The following IGSF21 variants were observed in gnomAD, a reference collection of about 807,000 sequenced individuals.
IGSF21 encodes the protein immunoglobulin superfamily member 21.
In IGSF21, 28 loss-of-function variants were observed where a neutral mutation model predicts 46.8. The observed-to-expected ratio is 0.60, with a 90% confidence interval of 0.44 to 0.82. The LOEUF is 0.82. Ranked by LOEUF, IGSF21 falls within the 40% of genes least tolerant of loss-of-function variation. The probability of loss-of-function intolerance (pLI) is 0.00; values close to 1 mark genes in which losing one functional copy is unlikely to be tolerated. For synonymous variants in IGSF21, 284 were observed against 273.6 expected (o/e 1.04, Z -0.38); for missense variants, 624 against 665.5 (o/e 0.94, Z 0.69).
chr1:18,221,669 A>G (rs2084511676), intron 1 of IGSF21, among the ~76,000 whole-genome samples: 1 of 152,170 alleles, frequency 6.6e-6, no homozygotes, highest in Non-Finnish European at 1.5e-5. Context: ...ATCCAGGATA[A>G]TGAACTGCTT....
At chr1:18,371,859 A>G (rs1242794590) in intron 6 of IGSF21, among the ~76,000 whole-genome samples, 2 of 152,080 alleles carry the variant, frequency 1.3e-5, no homozygotes, top group Non-Finnish European at 1.5e-5. Context: ...CTACAAGTAT[A>G]TTCTATATTT....
In IGSF21 at chr1:18,184,404, C is replaced by T. The variant is rs528428489; in HGVS notation, c.71-43494C>T. Among the ~76,000 whole-genome samples, 149 of 152,306 alleles carry T rather than the reference C, an allele frequency of 9.8e-4. 2 individuals carry two copies. The South Asian group carries it at 0.011, about 11-fold the overall frequency. ...GAAACGTCCCTGGGGTCCCCAGTCTCGGTCCTGGTTAAGCCAAGCTACACA... is the reference window on the plus strand; with the variant it reads ...GAAACGTCCCTGGGGTCCCCAGTCTTGGTCCTGGTTAAGCCAAGCTACACA... On this transcript the variant is annotated intron_variant, in intron 1 of 9. Coordinates refer to ENST00000251296, the MANE Select transcript of IGSF21 (RefSeq NM_032880.5).
At chr1:18,249,447 TG>T (rs2084815691) in intron 2 of IGSF21, among the ~76,000 whole-genome samples, 1 of 152,106 alleles carries the variant, frequency 6.6e-6, no homozygotes, top group Non-Finnish European at 1.5e-5. Flanking sequence ...ACGTGGAGGC[TG>T]CTTCACCAGA....
At chr1:18,218,717 C>T (rs1033086090) in intron 1 of IGSF21, among the ~76,000 whole-genome samples, 2 of 152,142 alleles carry the variant, frequency 1.3e-5, no homozygotes, top group African/African-American at 4.8e-5. Context: ...CCATGAAAAT[C>T]TCAACTCACA....
At chr1:18,151,573 G>C (rs2086522516) in intron 1 of IGSF21, among the ~76,000 whole-genome samples, 1 of 152,184 alleles carries the variant, frequency 6.6e-6, no homozygotes, top group Admixed American at 6.5e-5. Flanking sequence ...GATGGGGAGG[G>C]ACAGTGCATG....
At chr1:18,259,260 G>T (rs1358741872) in intron 2 of IGSF21, among the ~76,000 whole-genome samples, 2 of 152,140 alleles carry the variant, frequency 1.3e-5, no homozygotes, top group Non-Finnish European at 1.5e-5. Context: ...TCTTTCTGAT[G>T]CTGAATGGGG....
rs572271400 is a variant in IGSF21, at chr1:18,146,613, T to C, written c.70+38415T>C. Among the ~76,000 whole-genome samples the C allele has an allele frequency of 3.0e-4, 45 of 152,150 alleles. No homozygotes were observed. In the South Asian group the frequency reaches 6.0e-3, roughly 20 times the overall value. ...GAGAAGTGCCTCCTTTTGGTCAAGGTAGTAGGAGAGGAACTGAGCGTTCAG... is the reference window on the plus strand; with the variant it reads ...GAGAAGTGCCTCCTTTTGGTCAAGGCAGTAGGAGAGGAACTGAGCGTTCAG... On this transcript the variant is annotated intron_variant, in intron 1 of 9. Transcript: ENST00000251296.
intron 2 of IGSF21, among the ~76,000 whole-genome samples, chr1:18,229,546 C>T (rs924433518): frequency 6.6e-6 from 1 of 152,174 alleles, no homozygotes; most frequent in African/African-American, 2.4e-5. Flanking sequence ...AATCATAGTT[C>T]TCTATTTCAG....
At chr1:18,174,223 A>G (rs2086772289) in intron 1 of IGSF21, among the ~76,000 whole-genome samples, 1 of 152,102 alleles carries the variant, frequency 6.6e-6, no homozygotes, top group Non-Finnish European at 1.5e-5. Context: ...TTTCATCTAA[A>G]TAGCTCTAGT....
At chr1:18,330,157 T>G (rs79300785) in intron 3 of IGSF21, among the ~76,000 whole-genome samples, 4,585 of 152,268 alleles carry the variant, frequency 0.03, 115 homozygotes, top group Non-Finnish European at 0.048. Flanking sequence ...GCCACTCAAT[T>G]CTGGGGAAAG....
At chr1:18,339,209 G>A (rs1482336096) in intron 4 of IGSF21, among the ~76,000 whole-genome samples, 1 of 152,176 alleles carries the variant, frequency 6.6e-6, no homozygotes. Flanking sequence ...AGAGTTTAAG[G>A]GGTACATCCA....
intron 4 of IGSF21, among the ~76,000 whole-genome samples, chr1:18,352,641 G>C (rs1463997995): frequency 6.6e-6 from 1 of 152,304 alleles, no homozygotes; most frequent in East Asian, 1.9e-4. Context: ...TTCTCCACCA[G>C]CAATAGCCTC....
At chr1:18,341,005 CCTT>C (rs1185353385) in intron 4 of IGSF21, among the ~76,000 whole-genome samples, 21 of 111,546 alleles carry the variant, frequency 1.9e-4, no homozygotes, top group South Asian at 3.7e-4. Context: ...TCCTCCTCCT[CCTT>C]CTTCTCTTCT....
chr1:18,376,628 G>A lies in IGSF21; in HGVS notation c.1102-172G>A, dbSNP rs575264074. On this transcript the variant is annotated intron_variant, in intron 7 of 9. Transcript: ENST00000251296. Reference sequence around the variant, plus strand: ...CTCAGAGTAAACCTAGCTCTTCAACGAGACATTCTCTTAAGTCCCAGACTC... The same window carrying A: ...CTCAGAGTAAACCTAGCTCTTCAACAAGACATTCTCTTAAGTCCCAGACTC... Among the ~76,000 whole-genome samples, 8 of 152,274 alleles carry A rather than the reference G, an allele frequency of 5.3e-5. No individual in the cohort carries two copies. The South Asian group carries it at 1.0e-3, about 20-fold the overall frequency.
intron 3 of IGSF21, among the ~76,000 whole-genome samples, chr1:18,331,454 CT>C (rs1476043226): frequency 1.3e-5 from 2 of 152,224 alleles, no homozygotes. Flanking sequence ...CTTTTTATGG[CT>C]GAATAGTATT....
At chr1:18,275,486 C>T (rs1169879199) in intron 2 of IGSF21, among the ~76,000 whole-genome samples, 1 of 152,286 alleles carries the variant, frequency 6.6e-6, no homozygotes, top group East Asian at 1.9e-4. Context: ...GGTGATCAGA[C>T]ATGCAGCAGC....
At chr1:18,262,235 C>T (rs911912524) in intron 2 of IGSF21, among the ~76,000 whole-genome samples, 6 of 152,194 alleles carry the variant, frequency 3.9e-5, no homozygotes, top group Non-Finnish European at 7.3e-5. Flanking sequence ...TATCCACCCA[C>T]TCCGCATCTG....
chr1:18,231,694 C>T (rs1423478389), intron 2 of IGSF21, among the ~76,000 whole-genome samples: 1 of 152,104 alleles, frequency 6.6e-6, no homozygotes, highest in Non-Finnish European at 1.5e-5. Context: ...AGCTGGTGGC[C>T]TCCATATTGG....
At chr1:18,292,295 AG>A (rs1038694542) in intron 3 of IGSF21, among the ~76,000 whole-genome samples, 1 of 152,198 alleles carries the variant, frequency 6.6e-6, no homozygotes, top group African/African-American at 2.4e-5. Context: ...AGGCCCAGAG[AG>A]GGGGAGCAAT....
Sources: gnomAD v4.1 joint callset for allele counts (sites outside exome capture counted in the v4.1 genomes callset) on GRCh38, gnomAD v4.1.1 for gene constraint, MANE v1.5 for transcripts, NCBI Gene and HGNC (gene_info 2026-07-23, HGNC 2026-07-21) for gene names.